Variants in EVL observed in about 807,000 individuals in gnomAD.
The protein encoded by EVL is Enah/Vasp-like.
Under a neutral mutation model 59.6 loss-of-function variants are expected in EVL, and 21 were observed. The observed-to-expected ratio is 0.35, with a 90% CI of 0.25 to 0.51. The LOEUF is 0.51. EVL is among the 20% of genes least tolerant of loss of function. EVL has a pLI of 0.97. For missense variants in EVL, 462 were observed against 546.6 expected, an observed-to-expected ratio of 0.85 and a Z score of 1.54; for synonymous variants, 198 against 203.5, an observed-to-expected ratio of 0.97 and a Z score of 0.23.
Position 100,094,358 on chromosome 14 carries a change from C to A in EVL, c.181-3123C>A, listed in dbSNP as rs117539910. Among the ~76,000 whole-genome samples, 1,386 of 152,254 alleles carry A rather than the reference C, an allele frequency of 9.1e-3. 19 individuals carry two copies. Among genetic ancestry groups the A allele is most frequent in the Middle Eastern group, 0.027 (8 of 294 alleles). Reference sequence around the variant, plus strand: ...TGCCCCTCAATTCTCATTTCCCCCCCAAGAGCCACTTTGAGGTTTGGAAAA... The same window carrying A: ...TGCCCCTCAATTCTCATTTCCCCCCAAAGAGCCACTTTGAGGTTTGGAAAA... On this transcript the variant is annotated intron_variant, in intron 2 of 13. Transcript: ENST00000392920.
chr14:100,026,493 T>G (rs2061215521), intron 1 of EVL, among the ~76,000 whole-genome samples: 1 of 152,108 alleles, frequency 6.6e-6, no homozygotes, highest in South Asian at 2.1e-4. Context: ...CCTTTCAGTC[T>G]TTCCTGTGGG....
intron 6 of EVL, 95 bp from the exon 7 acceptor site, chr14:100,129,468 C>T (rs564641110): frequency 6.4e-7 from 1 of 1,561,382 alleles, no homozygotes; most frequent in East Asian, 2.3e-5. Context: ...CCATAGGATT[C>T]ACACGCACAC....
In EVL at chr14:100,108,571, T is replaced by C. The variant is rs1230252876; in HGVS notation, c.358+10913T>C. On this transcript the variant is annotated intron_variant, in intron 3 of 13. Coordinates refer to ENST00000392920, the MANE Select transcript of EVL (RefSeq NM_016337.3). The surrounding 1 kb of genome is among the most constrained non-coding windows in gnomAD (Gnocchi z 4.1). ...GTTCTCACCCCAGGGCTCCAGATGT[T>C]GTATCAGGCAGGGCCTTTGTACGCC... Among the ~76,000 whole-genome samples, 1 of 152,168 alleles carries C rather than the reference T, an allele frequency of 6.6e-6. No homozygotes were observed. Among genetic ancestry groups the C allele is most frequent in the Admixed American group, 6.5e-5 (1 of 15,280 alleles).
At chr14:100,029,561 G>A (rs2061275239) in intron 1 of EVL, among the ~76,000 whole-genome samples, 2 of 152,216 alleles carry the variant, frequency 1.3e-5, no homozygotes, top group Admixed American at 1.3e-4. Context: ...TAACATAGGA[G>A]ATTGGGATAG....
intron 8 of EVL, 120 bp downstream of exon 8, chr14:100,132,899 G>A: frequency 9.0e-7 from 1 of 1,111,992 alleles, no homozygotes; most frequent in Non-Finnish European, 1.3e-6. Flanking sequence ...TTCATCAGGT[G>A]ATTCACAGGA....
At chr14:100,078,625 C>G (rs1453242649) in intron 1 of EVL, among the ~76,000 whole-genome samples, 2 of 152,056 alleles carry the variant, frequency 1.3e-5, no homozygotes, top group Admixed American at 6.6e-5. Context: ...ACAAGACGAG[C>G]TGGGTGGGGA....
At chr14:100,076,121 A>C (rs778270562) in intron 1 of EVL, among the ~76,000 whole-genome samples, 1 of 152,246 alleles carries the variant, frequency 6.6e-6, no homozygotes, top group South Asian at 2.1e-4. Flanking sequence ...GGGCAGGAGA[A>C]ATATCTCTTC....
At chr14:100,033,005 A>C (rs2140220652) in intron 1 of EVL, among the ~76,000 whole-genome samples, 1 of 152,044 alleles carries the variant, frequency 6.6e-6, no homozygotes, top group East Asian at 1.9e-4. Flanking sequence ...GGCAGTAAAG[A>C]GGACAGTTGC....
chr14:100,042,470 GCTC>G (rs1375871536), intron 1 of EVL, among the ~76,000 whole-genome samples: 3 of 152,096 alleles, frequency 2.0e-5, no homozygotes, highest in Non-Finnish European at 4.4e-5. Context: ...TCTCTAAATT[GCTC>G]CTCATTTCTC....
At position 100,028,140 on chromosome 14, in the gene EVL, T is replaced by TG. The variant is rs202176816; in HGVS notation, c.5+56083_5+56084insG. On this transcript the variant is annotated intron_variant, in intron 1 of 13. Coordinates refer to the EVL transcript ENST00000402714. ...GTTGTTTTTTTGTTTGTTTGTTTTT[T>TG]TTTTTTTTTTTGAGGAACCTCCAAA... is the stretch of plus-strand genomic sequence containing the variant. Among the ~76,000 whole-genome samples the TG allele has an allele frequency of 1.6e-3, 241 of 149,112 alleles. 1 individual carries two copies. The highest frequency in any genetic ancestry group is 2.7e-3 in the African/African-American group (108 of 40,386).
rs747877834 is a variant in EVL, at chr14:100,135,952, G to C, written c.948G>C (p.Gln316His). ...SPSPGTRAASQPPNSSEAGRK... is the reference protein window; with the variant it reads ...SPSPGTRAASHPPNSSEAGRK... ...CTCCGGGGACCCGAGCAGCCAGCCA[G>C]CCACCTAACTCCTCAGGTGAGAGGG... Residue 316 changes from glutamine (Q) to histidine (H), a missense_variant, in exon 9 of 14, where the codon CAG (glutamine) becomes CAC (histidine). Coordinates refer to ENST00000392920, the MANE Select transcript of EVL (RefSeq NM_016337.3). 7 of 1,613,786 alleles carry C rather than the reference G, an allele frequency of 4.3e-6. No individual in the cohort carries two copies. The South Asian group carries it at 4.4e-5, about 10-fold the overall frequency.
At chr14:100,094,558 T>G (rs555681271) in intron 2 of EVL, among the ~76,000 whole-genome samples, 1 of 147,012 alleles carries the variant, frequency 6.8e-6, no homozygotes, top group South Asian at 2.2e-4. Flanking sequence ...CTGGTCAACA[T>G]GGTGAAACCC....
intron 1 of EVL, among the ~76,000 whole-genome samples, chr14:100,036,339 T>C (rs2061388294): frequency 6.6e-6 from 1 of 152,200 alleles, no homozygotes; most frequent in African/African-American, 2.4e-5. Flanking sequence ...GAGCTAGAAC[T>C]ATTATAAAAG....
chr14:100,024,421 G>C (rs2061177293), intron 1 of EVL, among the ~76,000 whole-genome samples: 1 of 152,188 alleles, frequency 6.6e-6, no homozygotes, highest in Admixed American at 6.5e-5. Flanking sequence ...TTAGTACATT[G>C]ATCTGAGCTG....
intron 1 of EVL, among the ~76,000 whole-genome samples, chr14:99,982,861 C>G (rs1054758861): frequency 5.3e-5 from 8 of 152,104 alleles, no homozygotes; most frequent in Admixed American, 5.2e-4. Context: ...GGATTCTGCC[C>G]CAGAGGTACT....
chr14:100,053,180 A>AG (rs1244671256), intron 1 of EVL, among the ~76,000 whole-genome samples: 1 of 152,246 alleles, frequency 6.6e-6, no homozygotes, highest in East Asian at 1.9e-4. Context: ...TGGGGGCCAC[A>AG]GTCAGTCCAT....
chr14:100,069,457 G>A (rs557587117), intron 1 of EVL, among the ~76,000 whole-genome samples: 3 of 152,180 alleles, frequency 2.0e-5, no homozygotes, highest in Non-Finnish European at 2.9e-5. Context: ...GGAGTCTCCA[G>A]GAACACCTGG....
chr14:100,054,175 C>T (rs1318114592), intron 1 of EVL, among the ~76,000 whole-genome samples: 1 of 151,018 alleles, frequency 6.6e-6, no homozygotes, highest in East Asian at 2.0e-4. Flanking sequence ...CTGCCTCAGC[C>T]TCCCAAGTAG....
intron 3 of EVL, among the ~76,000 whole-genome samples, chr14:100,112,997 A>G (rs1461623342): frequency 6.6e-6 from 1 of 152,208 alleles, no homozygotes; most frequent in Non-Finnish European, 1.5e-5. Flanking sequence ...CCTTGTCAAT[A>G]CAGTGTATGT....
Sources: allele counts gnomAD v4.1 joint callset (sites outside exome capture counted in the v4.1 genomes callset), GRCh38; gene constraint gnomAD v4.1.1; non-coding constraint Gnocchi (gnomAD v3.1); transcripts MANE v1.5; gene names NCBI Gene and HGNC (gene_info 2026-07-23, HGNC 2026-07-21).